CAND1: variants seen among roughly 807,000 people sequenced by gnomAD.
CAND1 encodes the protein cullin associated and neddylation dissociated 1.
CAND1 carries 7 observed loss-of-function variants against 108.5 expected under a neutral mutation model. That is an observed-to-expected ratio of 0.06 (90% CI 0.04 to 0.12). The LOEUF is 0.12. Ranked by LOEUF, CAND1 falls within the 10% of genes least tolerant of loss-of-function variation. CAND1 has a pLI of 1.00. For synonymous variants in CAND1, 534 were observed against 512.0 expected (o/e 1.04, Z -0.58); for missense variants, 941 against 1,448.7 (o/e 0.65, Z 5.69).
chr12:67,275,326 T>C (rs2044558771), intron 1 of CAND1, among the ~76,000 whole-genome samples: 1 of 152,044 alleles, frequency 6.6e-6, no homozygotes, highest in Non-Finnish European at 1.5e-5. Flanking sequence ...CAGGAGTTCA[T>C]GACCAGCCTG....
chr12:67,284,002 T>C (rs2044644691), intron 2 of CAND1, among the ~76,000 whole-genome samples: 1 of 152,222 alleles, frequency 6.6e-6, no homozygotes, highest in South Asian at 2.1e-4. Context: ...AAAATCCCAA[T>C]AGATTATTAA....
intron 1 of CAND1, among the ~76,000 whole-genome samples, chr12:67,278,429 G>C (rs374602114): frequency 2.0e-5 from 3 of 151,998 alleles, no homozygotes; most frequent in Non-Finnish European, 4.4e-5. Context: ...GATTACAGGT[G>C]TGAGCCACCA....
At chr12:67,307,102 C>T (rs533992480) in intron 10 of CAND1, among the ~76,000 whole-genome samples, 4 of 152,146 alleles carry the variant, frequency 2.6e-5, no homozygotes, top group East Asian at 1.9e-4. Context: ...GATTTTTAAG[C>T]GGTTTTGGAT....
rs1335146186 is a variant in CAND1 at position 67,313,654 on chromosome 12, T to A, written c.*824T>A. 1 of 152,556 alleles carries A rather than the reference T, an allele frequency of 6.6e-6. No individual in the cohort carries two copies. The highest frequency in any genetic ancestry group is 2.4e-5 in the African/African-American group (1 of 41,432). 9.5% of individuals were successfully genotyped at this position (152,556 alleles called of 1,614,324 possible). A position where few individuals can be genotyped will look rare whatever the true frequency, so the allele number is the denominator to read the frequency against. On this transcript the variant is annotated 3_prime_UTR_variant, in exon 15 of 15. Coordinates refer to ENST00000545606, the MANE Select transcript of CAND1 (RefSeq NM_018448.5). ...CAAGTCACAGTAACAATTTGCCACT[T>A]TTTTCTATTATAAATCTTCTTACTT... is the stretch of plus-strand genomic sequence containing the variant.
rs749955240 is a variant in CAND1 at position 67,305,071 on chromosome 12, C to A, written c.1436-33C>A. On this transcript the variant is annotated intron_variant, in intron 9 of 14. Coordinates refer to ENST00000545606, the MANE Select transcript of CAND1 (RefSeq NM_018448.5). The surrounding 1 kb of genome is among the most constrained non-coding windows in gnomAD (Gnocchi z 4.4). ...AATTTTTCTTTCTTAAAAGTCTGCA[C>A]AGCAATGATTGGATTTTTTGTTGGC... 9 of 1,571,084 alleles carry A rather than the reference C, an allele frequency of 5.7e-6. No homozygotes were observed. The East Asian group carries it at 2.0e-4, about 35-fold the overall frequency.
chr12:67,305,965 G>C lies in CAND1; in HGVS notation c.2297G>C (p.Gly766Ala), dbSNP rs747644302. ...LDFFQALVVT[G>A]TNNLGYMDLL... ...TTTTTCCAAGCTCTGGTTGTCACTG[G>C]AACAAATAATTTAGGATACATGGAT... is the stretch of plus-strand genomic sequence containing the variant. Residue 766 changes from glycine to alanine, a missense_variant, in exon 10 of 15, where the codon GGA becomes GCA. By Grantham distance (60) the Gly-to-Ala change is moderately conservative (BLOSUM62 0). This residue lies in a region of CAND1 where 697 missense variants were observed against 942.0 expected (regional missense o/e 0.74). Coordinates refer to ENST00000545606, the MANE Select transcript of CAND1 (RefSeq NM_018448.5). The surrounding 1 kb of genome is among the most constrained non-coding windows in gnomAD (Gnocchi z 4.4). The C allele has an allele frequency of 1.5e-5, 25 of 1,614,010 alleles. 2 individuals carry two copies. The South Asian group carries it at 2.6e-4, about 17-fold the overall frequency.
chr12:67,274,190 C>T (rs1195242237), intron 1 of CAND1, among the ~76,000 whole-genome samples: 1 of 151,972 alleles, frequency 6.6e-6, no homozygotes, highest in African/African-American at 2.4e-5. Context: ...TTTAATAATT[C>T]CTGAGGACTA....
At chr12:67,293,131 C>T (rs2044737010) in intron 3 of CAND1, 1 of 219,394 alleles carries the variant, frequency 4.6e-6, no homozygotes, top group South Asian at 6.5e-5. Context: ...TTCACTGTTT[C>T]CAGTATTAAT....
Position 67,299,062 on chromosome 12 carries a change from A to G in CAND1, c.967A>G (p.Met323Val), listed in dbSNP as rs1323687794. Residue 323 changes from methionine (M) to valine (V), a missense_variant, in exon 7 of 15, where the codon ATG becomes GTG. By Grantham distance (21) the Met-to-Val change is conservative (BLOSUM62 1). Around this residue, in one of 9 missense-constraint regions of CAND1, gnomAD observed 697 missense variants for 942.0 expected, o/e 0.74. Transcript: ENST00000545606. Reference sequence around the variant, plus strand: ...TGATGAAGATGAAGATGAAAATGCAATGGATGCTGATGGTGGTGATGATGA... The same window carrying G: ...TGATGAAGATGAAGATGAAAATGCAGTGGATGCTGATGGTGGTGATGATGA... The part of the protein sequence containing the change: ...YDDEDEDENA[M>V]DADGGDDDDQ... The G allele has an allele frequency of 1.3e-6, 2 of 1,513,774 alleles. No homozygotes were observed. The highest frequency in any genetic ancestry group is 1.8e-6 in the Non-Finnish European group (2 of 1,097,064). 93.8% of individuals were successfully genotyped at this position (1,513,774 alleles called of 1,614,324 possible). A position where few individuals can be genotyped will look rare whatever the true frequency, so the allele number is the denominator to read the frequency against.
intron 1 of CAND1, among the ~76,000 whole-genome samples, chr12:67,272,519 A>G (rs1200921934): frequency 6.6e-6 from 1 of 152,220 alleles, no homozygotes; most frequent in African/African-American, 2.4e-5. Flanking sequence ...ATCTTTTTGT[A>G]GGACTATTAA....
intron 1 of CAND1, among the ~76,000 whole-genome samples, chr12:67,281,541 C>T (rs913029623): frequency 2.6e-5 from 4 of 152,222 alleles, no homozygotes; most frequent in Admixed American, 2.6e-4. Flanking sequence ...AGGAACTTTT[C>T]TCACCTAAAA....
At position 67,316,018 on chromosome 12, in the gene CAND1, A is replaced by G. The variant is rs773369000; in HGVS notation, c.*3188A>G. Reference sequence around the variant, plus strand: ...ACCTAAATTGTTAAAATTAATTGCCAATCTCTGGATATATTATGCTTAGTA... The same window carrying G: ...ACCTAAATTGTTAAAATTAATTGCCGATCTCTGGATATATTATGCTTAGTA... On this transcript the variant is annotated 3_prime_UTR_variant, in exon 15 of 15. Coordinates refer to ENST00000545606, the MANE Select transcript of CAND1 (RefSeq NM_018448.5). 5.3e-5 allele frequency: 8 copies of G among 152,222 alleles called. No homozygotes were observed. Among genetic ancestry groups the G allele is most frequent in the Non-Finnish European group, 7.3e-5 (5 of 68,030 alleles). The allele number at this position is 152,222 out of a possible 1,614,324, so 9.4% of individuals were successfully genotyped here.
At chr12:67,284,707 C>CACA (rs766647091) in intron 2 of CAND1, among the ~76,000 whole-genome samples, 5 of 149,866 alleles carry the variant, frequency 3.3e-5, no homozygotes, top group Admixed American at 2.7e-4. Context: ...CATGCATGTA[C>CACA]ACACACACAC....
In CAND1 at chr12:67,315,798, C is replaced by G; in HGVS notation, c.*2968C>G. The stretch of plus-strand genomic sequence containing the variant: ...TGTTGTGATATCTTTATATCTAGTT[C>G]AGTCTCAGATGTATGAATATGATTA... On this transcript the variant is annotated 3_prime_UTR_variant, in exon 15 of 15. Coordinates refer to ENST00000545606, the MANE Select transcript of CAND1 (RefSeq NM_018448.5). 6.6e-6 allele frequency: 1 copy of G among 152,100 alleles called. No homozygotes were observed. The highest frequency in any genetic ancestry group is 2.4e-5 in the African/African-American group (1 of 41,480). 9.4% of individuals were successfully genotyped at this position (152,100 alleles called of 1,614,324 possible).
chr12:67,269,820 G>C (rs757829222), intron 1 of CAND1, 35 bp downstream of exon 1: 1 of 1,574,522 alleles, frequency 6.4e-7, no homozygotes, highest in South Asian at 1.1e-5. Context: ...CCCACCTCGG[G>C]GTTCTCGCAG....
Position 67,269,753 on chromosome 12 carries a change from G to A in CAND1, c.36G>A (p.Leu12=). The change falls in exon 1 of 15, where the codon CTG becomes CTA. Residue 12 remains leucine (L), a synonymous_variant. Transcript: ENST00000545606. ...ASASYHISNL[L]EKMTSSDKDF... is the part of the protein sequence containing the mutation. Reference sequence around the variant, plus strand: ...CCTCGTACCACATTTCCAATTTGCTGGAAAAAATGACATCCAGCGACAAGG... The same window carrying A: ...CCTCGTACCACATTTCCAATTTGCTAGAAAAAATGACATCCAGCGACAAGG... 1 of 1,606,768 alleles carries A rather than the reference G, an allele frequency of 6.2e-7. No homozygotes were observed. Among genetic ancestry groups the A allele is most frequent in the Non-Finnish European group, 8.5e-7 (1 of 1,177,688 alleles).
At chr12:67,288,427 C>T (rs2044693061) in intron 2 of CAND1, among the ~76,000 whole-genome samples, 1 of 152,004 alleles carries the variant, frequency 6.6e-6, no homozygotes. Flanking sequence ...CATGCCTGGC[C>T]GTCCTTTCTG....
Position 67,313,520 on chromosome 12 carries a change from A to G in CAND1, c.*690A>G, listed in dbSNP as rs1411820280. On this transcript the variant is annotated 3_prime_UTR_variant, in exon 15 of 15. Transcript: ENST00000545606. Reference sequence around the variant, plus strand: ...AAATAAGTATTAGTGCAATTTTCAGATATTTATTTTTGCACAGAAAACACA... The same window carrying G: ...AAATAAGTATTAGTGCAATTTTCAGGTATTTATTTTTGCACAGAAAACACA... 1 of 152,620 alleles carries G rather than the reference A, an allele frequency of 6.6e-6. No homozygotes were observed. The allele number at this position is 152,620 out of a possible 1,614,324, so 9.5% of individuals were successfully genotyped here.
At chr12:67,292,479 A>C in intron 2 of CAND1, 143 bp from the exon 3 acceptor site, 1 of 539,946 alleles carries the variant, frequency 1.9e-6, no homozygotes, top group South Asian at 3.5e-5. Flanking sequence ...TTTTTATGTC[A>C]TTTGTATACT....
Sources: gnomAD v4.1 joint callset for allele counts (sites outside exome capture counted in the v4.1 genomes callset) on GRCh38, gnomAD v4.1.1 for gene constraint, gnomAD v4.1.1 regional missense constraint, Gnocchi (gnomAD v3.1) non-coding constraint, MANE v1.5 for transcripts, NCBI Gene and HGNC (gene_info 2026-07-23, HGNC 2026-07-21) for gene names.